Variants in GNG4 observed in about 807,000 individuals in gnomAD.
GNG4 encodes the protein G protein subunit gamma 4, also known as guanine nucleotide-binding protein G(I)/G(S)/G(O) subunit gamma-4.
GNG4 carries 4 observed loss-of-function variants against 5.8 expected under a neutral mutation model. The observed-to-expected ratio is 0.69, with a 90% CI of 0.34 to 1.57. GNG4 has a LOEUF of 1.57. Ranked by LOEUF, GNG4 falls within the 40% of genes most tolerant of loss-of-function variation. The pLI, the probability that GNG4 is intolerant of heterozygous loss-of-function variation, is 0.06. For synonymous variants in GNG4, 29 were observed against 32.9 expected, an observed-to-expected ratio of 0.88 and a Z score of 0.41; for missense variants, 96 against 95.1, an observed-to-expected ratio of 1.01 and a Z score of -0.04.
At chr1:235,586,586 C>T (rs1046491950) in intron 2 of GNG4, among the ~76,000 whole-genome samples, 6 of 152,202 alleles carry the variant, frequency 3.9e-5, no homozygotes, top group South Asian at 2.1e-4. Flanking sequence ...TACTGGATCA[C>T]GGGGCCAGAT....
intron 1 of GNG4, among the ~76,000 whole-genome samples, chr1:235,612,189 C>T (rs968739616): frequency 1.3e-4 from 19 of 151,980 alleles, no homozygotes; most frequent in Admixed American, 9.9e-4. Flanking sequence ...CCCAGGACAA[C>T]GTCGAAGATT....
intron 1 of GNG4, among the ~76,000 whole-genome samples, chr1:235,639,984 C>T (rs995198117): frequency 6.6e-6 from 1 of 152,144 alleles, no homozygotes; most frequent in Non-Finnish European, 1.5e-5. Flanking sequence ...GTGTCCAGAA[C>T]CTCAGAGCTG....
chr1:235,581,247 G>C (rs772146702), intron 3 of GNG4, among the ~76,000 whole-genome samples: 33 of 152,160 alleles, frequency 2.2e-4, no homozygotes, highest in Non-Finnish European at 4.3e-4. Flanking sequence ...TAGTGAGTGA[G>C]TTCTCAAGAG....
intron 3 of GNG4, among the ~76,000 whole-genome samples, chr1:235,569,041 G>A (rs1238175535): frequency 2.0e-5 from 3 of 152,040 alleles, no homozygotes; most frequent in Non-Finnish European, 4.4e-5. Context: ...TGGCCAGGCT[G>A]GTCTTAAACT....
chr1:235,632,212 G>A (rs973405567), intron 1 of GNG4, among the ~76,000 whole-genome samples: 1 of 151,994 alleles, frequency 6.6e-6, no homozygotes, highest in African/African-American at 2.4e-5. Flanking sequence ...CCTCCTTCCT[G>A]AGGAGCTGGG....
At chr1:235,626,958 CAAAAAAAAAAAAAAAAAAA>C (rs776506587) in intron 1 of GNG4, among the ~76,000 whole-genome samples, 57 of 77,382 alleles carry the variant, frequency 7.4e-4, no homozygotes, top group East Asian at 6.3e-3. Flanking sequence ...GACTCTATCT[CAAAAAAAAAAAAAAAAAAA>C]AAAAAAAAAA....
chr1:235,631,592 A>C (rs1035351005), intron 1 of GNG4, among the ~76,000 whole-genome samples: 10 of 147,894 alleles, frequency 6.8e-5, no homozygotes, highest in Non-Finnish European at 1.0e-4. Context: ...TTTTTTTCAG[A>C]CAGAGTCTTG....
intron 1 of GNG4, among the ~76,000 whole-genome samples, chr1:235,638,474 C>T (rs1017554760): frequency 9.0e-6 from 1 of 110,984 alleles, no homozygotes; most frequent in Non-Finnish European, 1.9e-5. Flanking sequence ...GCTTGTGGCT[C>T]CTCCTGCATT....
rs1193141917 is a variant in GNG4, at chr1:235,644,442, G to T, written c.-123+5220C>A. On this transcript the variant is annotated intron_variant, in intron 1 of 3. Coordinates refer to ENST00000391854, the MANE Select transcript of GNG4 (RefSeq NM_001098722.2). The surrounding 1 kb of genome is among the most constrained non-coding windows in gnomAD (Gnocchi z 5.9). ...CACCACTGCCCTTGGGCATGAGCAA[G>T]CCTGACGCTGTCTCTCATCCTGGTA... 6.6e-6 allele frequency among the ~76,000 whole-genome samples: 1 copy of T among 152,182 alleles called. No individual in the cohort carries two copies. Among genetic ancestry groups the T allele is most frequent in the Non-Finnish European group, 1.5e-5 (1 of 68,040 alleles).
At chr1:235,605,814 G>C (rs1251404611) in intron 1 of GNG4, among the ~76,000 whole-genome samples, 1 of 152,116 alleles carries the variant, frequency 6.6e-6, no homozygotes, top group Non-Finnish European at 1.5e-5. Flanking sequence ...CAGGAGGTCA[G>C]GGAGCAGACC....
intron 1 of GNG4, among the ~76,000 whole-genome samples, chr1:235,623,553 C>G (rs545710526): frequency 6.6e-6 from 1 of 152,126 alleles, no homozygotes; most frequent in South Asian, 2.1e-4. Context: ...GCAGGAGAGA[C>G]GGGCTGTAGC....
At chr1:235,607,700 G>A (rs1340708375) in intron 1 of GNG4, among the ~76,000 whole-genome samples, 1 of 152,136 alleles carries the variant, frequency 6.6e-6, no homozygotes, top group Non-Finnish European at 1.5e-5. Context: ...CCATCGGCAC[G>A]GCTTTTCAGT....
chr1:235,616,546 G>A lies in GNG4; in HGVS notation c.-122-21035C>T, dbSNP rs527555270. The stretch of plus-strand genomic sequence containing the variant: ...TGTATTCCCGCCTTCAGATGTCAGC[G>A]GTGTTTACAATGCTCTGTCCTAGGA... On this transcript the variant is annotated intron_variant, in intron 1 of 3. Coordinates refer to ENST00000391854, the MANE Select transcript of GNG4 (RefSeq NM_001098722.2). 16 of 188,666 alleles carry A rather than the reference G, an allele frequency of 8.5e-5. No homozygotes were observed. In the East Asian group the frequency reaches 2.5e-3, roughly 29 times the overall value. The allele number at this position is 188,666 out of a possible 1,614,324, so 11.7% of individuals were successfully genotyped here.
At chr1:235,590,788 C>T (rs2774315) in intron 2 of GNG4, among the ~76,000 whole-genome samples, 62,272 of 151,984 alleles carry the variant, frequency 0.41, 13,565 homozygotes, top group East Asian at 0.84. Flanking sequence ...CTGGCCCGTA[C>T]CAAAGGAGAG....
intron 3 of GNG4, among the ~76,000 whole-genome samples, chr1:235,553,418 G>T (rs1466091174): frequency 6.6e-6 from 1 of 152,118 alleles, no homozygotes; most frequent in Non-Finnish European, 1.5e-5. Flanking sequence ...GCAGTCAAAT[G>T]AAATCCTTTT....
chr1:235,634,472 C>T (rs554602043), intron 1 of GNG4, among the ~76,000 whole-genome samples: 2 of 152,150 alleles, frequency 1.3e-5, no homozygotes, highest in East Asian at 1.9e-4. Flanking sequence ...TTTCTATCAA[C>T]CGAGGGTCTG....
chr1:235,602,723 T>C (rs769055551), intron 1 of GNG4, among the ~76,000 whole-genome samples: 97 of 152,194 alleles, frequency 6.4e-4, no homozygotes, highest in Admixed American at 1.7e-3. Flanking sequence ...ATTTCTAGGG[T>C]CTAACATTTT....
intron 3 of GNG4, among the ~76,000 whole-genome samples, chr1:235,553,907 G>A (rs777833492): frequency 2.6e-5 from 4 of 152,158 alleles, no homozygotes; most frequent in Non-Finnish European, 4.4e-5. Context: ...ACTCTAAGAC[G>A]TCTATGATTC....
chr1:235,552,615 G>A (rs886619859), intron 3 of GNG4, among the ~76,000 whole-genome samples: 1 of 152,198 alleles, frequency 6.6e-6, no homozygotes, highest in African/African-American at 2.4e-5. Flanking sequence ...CCCTGGCCAA[G>A]CCAGTGTGAT....
Sources: gnomAD v4.1 joint callset for allele counts (sites outside exome capture counted in the v4.1 genomes callset) on GRCh38, gnomAD v4.1.1 for gene constraint, Gnocchi (gnomAD v3.1) non-coding constraint, MANE v1.5 for transcripts, NCBI Gene and HGNC (gene_info 2026-07-23, HGNC 2026-07-21) for gene names.